Variants in ANKRD35 observed in about 807,000 individuals in gnomAD.
ANKRD35 encodes ankyrin repeat domain 35, also known as ankyrin repeat domain-containing protein 35.
ANKRD35 carries 102 observed loss-of-function variants against 109.9 expected under a neutral mutation model. That is an observed-to-expected ratio of 0.93 (90% CI 0.79 to 1.09). The LOEUF (loss-of-function observed/expected upper bound fraction) is 1.09. Among genes scored for constraint, ANKRD35 ranks in the 50% least tolerant of loss-of-function variants. ANKRD35 has a pLI of 0.00. For missense variants in ANKRD35, 1,240 were observed against 1,230.1 expected, an observed-to-expected ratio of 1.01 and a Z score of -0.12; for synonymous variants, 515 against 512.4, an observed-to-expected ratio of 1.01 and a Z score of -0.07.
chr1:145,868,894 A>C (rs1010809933), intron 10 of ANKRD35, among the ~76,000 whole-genome samples: 1 of 152,226 alleles, frequency 6.6e-6, no homozygotes, highest in Non-Finnish European at 1.5e-5. Flanking sequence ...TTTCGTAGAT[A>C]AAGGAAACTA....
chr1:145,874,028 G>A lies in ANKRD35; in HGVS notation c.784-43C>T, dbSNP rs781908207. ...TAGTAAAGTGTGGCCACTAGGCAACGAACTGAGCCCTAGGAGTGCCTTTCT... is the reference window on the plus strand; with the variant it reads ...TAGTAAAGTGTGGCCACTAGGCAACAAACTGAGCCCTAGGAGTGCCTTTCT... On this transcript the variant is annotated intron_variant, in intron 9 of 13. Transcript: ENST00000355594. The A allele has an allele frequency of 1.1e-5, 17 of 1,611,242 alleles. No homozygotes were observed. The East Asian group carries it at 1.8e-4, about 17-fold the overall frequency.
At position 145,867,423 on chromosome 1, in the gene ANKRD35, A is replaced by G. The variant is rs1653647037; in HGVS notation, c.2944-31T>C. 5 of 1,598,356 alleles carry G rather than the reference A, an allele frequency of 3.1e-6. No homozygotes were observed. The Admixed American group carries it at 6.7e-5, about 21-fold the overall frequency. ...GATGTCAGGAAAGGAAGAAAAGGAG[A>G]TGAAGAACAGAAAATGGAGAGAGAG... On this transcript the variant is annotated intron_variant, in intron 12 of 13. Transcript: ENST00000355594.
chr1:145,876,889 A>G lies in ANKRD35; in HGVS notation c.325-16T>C. 6.2e-7 allele frequency: 1 copy of G among 1,613,888 alleles called. No homozygotes were observed. The highest frequency in any genetic ancestry group is 8.5e-7 in the Non-Finnish European group (1 of 1,179,928). ...TAGCACCATGCTGCAAATGGCCACA[A>G]AGGGAAGCAGCATGGAGCTTGGTGT... On this transcript the variant is annotated splice_polypyrimidine_tract_variant and intron_variant, in intron 4 of 13. Coordinates refer to ENST00000355594, the MANE Select transcript of ANKRD35 (RefSeq NM_144698.5).
chr1:145,880,226 T>C (rs1654236965), intron 1 of ANKRD35, among the ~76,000 whole-genome samples: 2 of 151,916 alleles, frequency 1.3e-5, no homozygotes, highest in Non-Finnish European at 2.9e-5. Flanking sequence ...ATAATTGAAG[T>C]GTTATAGGGC....
intron 10 of ANKRD35, among the ~76,000 whole-genome samples, chr1:145,870,882 C>T (rs1653785020): frequency 6.6e-6 from 1 of 152,072 alleles, no homozygotes; most frequent in Non-Finnish European, 1.5e-5. Context: ...CCACACCCAT[C>T]TAATTTTTGC....
At chr1:145,883,074 CA>C (rs1217920308) in intron 1 of ANKRD35, among the ~76,000 whole-genome samples, 1 of 139,466 alleles carries the variant, frequency 7.2e-6, no homozygotes, top group African/African-American at 2.7e-5. Flanking sequence ...TAGACAGTAC[CA>C]ATTTTTTTTT....
chr1:145,868,348 A>G lies in ANKRD35; in HGVS notation c.2840T>C (p.Ile947Thr), dbSNP rs1653681756. ...GGCAAGGCGAGCATTTTCTCCCCGA[A>G]TTGCTAGAACCTCTTCTGAAAGCTG... Reference protein sequence around the residue: ...LEQLSEEVLAIRGENARLALQ... With the variant: ...LEQLSEEVLATRGENARLALQ... Residue 947 changes from isoleucine (I) to threonine (T), a missense_variant, in exon 11 of 14, where the codon ATT (isoleucine) becomes ACT (threonine). By Grantham distance (89) the Ile-to-Thr change is moderately conservative. Coordinates refer to ENST00000355594, the MANE Select transcript of ANKRD35 (RefSeq NM_144698.5). 4.3e-6 allele frequency: 7 copies of G among 1,614,208 alleles called. No homozygotes were observed. Among genetic ancestry groups the G allele is most frequent in the Non-Finnish European group, 5.9e-6 (7 of 1,180,038 alleles).
Position 145,872,659 on chromosome 1 carries a change from G to A in ANKRD35, c.2110C>T (p.Leu704=), listed in dbSNP as rs373002763. The A allele has an allele frequency of 6.8e-6, 11 of 1,614,096 alleles. No individual in the cohort carries two copies. Among genetic ancestry groups the A allele is most frequent in the Non-Finnish European group, 9.3e-6 (11 of 1,180,002 alleles). The change falls in exon 10 of 14, where the codon CTG becomes TTG. Residue 704 remains leucine (L), a synonymous_variant. Coordinates refer to ENST00000355594, the MANE Select transcript of ANKRD35 (RefSeq NM_144698.5). The stretch of plus-strand genomic sequence containing the variant: ...AGGTCTGCGGGCAGGCAGTCCCACA[G>A]CCCTCGGAGACCGCTGCTCTGGGAG... ...LASQSSGLRG[L]WDCLPADLVG... is the part of the protein sequence containing the mutation.
chr1:145,878,246 C>T, intron 3 of ANKRD35, 145 bp downstream of exon 3: 1 of 968,716 alleles, frequency 1.0e-6, no homozygotes, highest in Non-Finnish European at 1.6e-6. Flanking sequence ...GGGAGGGGAA[C>T]TCCTGGAAGG....
Position 145,876,791 on chromosome 1 carries a change from GT to G in ANKRD35, c.382+24del, listed in dbSNP as rs1407602345. On this transcript the variant is annotated intron_variant, in intron 5 of 13. Coordinates refer to ENST00000355594, the MANE Select transcript of ANKRD35 (RefSeq NM_144698.5). ...CCCACCCTGTAGTCTCTGCAGCCCTGTTCCCATGAGTCCCCTGCACACACCT... is the reference window on the plus strand; with the variant it reads ...CCCACCCTGTAGTCTCTGCAGCCCTGTCCCATGAGTCCCCTGCACACACCT... The G allele has an allele frequency of 1.9e-6, 3 of 1,613,804 alleles. No individual in the cohort carries two copies. The African/African-American group carries it at 4.0e-5, about 22-fold the overall frequency.
At chr1:145,870,062 A>G (rs1279066157) in intron 10 of ANKRD35, among the ~76,000 whole-genome samples, 1 of 151,258 alleles carries the variant, frequency 6.6e-6, no homozygotes, top group African/African-American at 2.4e-5. Context: ...CCTTTTACTG[A>G]GTACTTACCA....
Position 145,872,099 on chromosome 1 carries a change from T to G in ANKRD35, c.2670A>C (p.Glu890Asp). ...RSGDLAAQAA[E>D]QERQASEMRG... ...GCATCTCGCTGGCCTGGCGCTCTTGTTCGGCTGCCTGAGCGGCCAGGTCCC... is the reference window on the plus strand; with the variant it reads ...GCATCTCGCTGGCCTGGCGCTCTTGGTCGGCTGCCTGAGCGGCCAGGTCCC... The change falls in exon 10 of 14, where the codon GAA becomes GAC. Residue 890 changes from glutamate to aspartate, a missense_variant. Glu to Asp is a conservative substitution (Grantham distance 45). Coordinates refer to ENST00000355594, the MANE Select transcript of ANKRD35 (RefSeq NM_144698.5). 1 of 1,613,120 alleles carries G rather than the reference T, an allele frequency of 6.2e-7. No individual in the cohort carries two copies.
intron 12 of ANKRD35, 116 bp downstream of exon 12, chr1:145,867,873 GCT>G (rs1430923327): frequency 2.2e-5 from 21 of 965,126 alleles, no homozygotes; most frequent in Non-Finnish European, 3.3e-5. Flanking sequence ...ACTGGATCCA[GCT>G]TTCCGAGAAA....
In ANKRD35 at chr1:145,872,013, A is replaced by G. The variant is rs781891044; in HGVS notation, c.2756T>C (p.Leu919Pro). Reference sequence around the variant, plus strand: ...TTCCTTGTCTCGGCAAGCCCCAATGAGATGCTCCATCTTCTCTTTCAGCAG... The same window carrying G: ...TTCCTTGTCTCGGCAAGCCCCAATGGGATGCTCCATCTTCTCTTTCAGCAG... ...AELLKEKMEH[L>P]IGACRDKEAK... The change falls in exon 10 of 14, where the codon CTC becomes CCC. Residue 919 changes from leucine (L) to proline (P), a missense_variant. By Grantham distance (98) the Leu-to-Pro change is moderately conservative. Transcript: ENST00000355594. 4 of 1,612,770 alleles carry G rather than the reference A, an allele frequency of 2.5e-6. No homozygotes were observed. In the South Asian group the frequency reaches 4.4e-5, roughly 18 times the overall value.
Position 145,871,894 on chromosome 1 carries a change from C to T in ANKRD35, c.2787+88G>A. ...GGGGTATTAATCTGACCCACTGCTGCAATAAAGGTTGCTGGATTCAGGTTA... is the reference window on the plus strand; with the variant it reads ...GGGGTATTAATCTGACCCACTGCTGTAATAAAGGTTGCTGGATTCAGGTTA... On this transcript the variant is annotated intron_variant, in intron 10 of 13. Transcript: ENST00000355594. 1.2e-5 allele frequency: 18 copies of T among 1,519,614 alleles called. 1 individual carries two copies. In the South Asian group the frequency reaches 2.1e-4, roughly 18 times the overall value. The allele number at this position is 1,519,614 out of a possible 1,614,324, so 94.1% of individuals were successfully genotyped here.
At chr1:145,880,276 G>A (rs953518116) in intron 1 of ANKRD35, among the ~76,000 whole-genome samples, 4 of 152,172 alleles carry the variant, frequency 2.6e-5, no homozygotes, top group African/African-American at 9.7e-5. Flanking sequence ...AGGGCTGAAA[G>A]TACAGAAAAG....
chr1:145,866,959 T>C (rs1365353075), intron 13 of ANKRD35, among the ~76,000 whole-genome samples, 194 bp from the exon 14 acceptor site: 1 of 152,122 alleles, frequency 6.6e-6, no homozygotes, highest in Non-Finnish European at 1.5e-5. Context: ...ATTCTGGATT[T>C]TGTAGAGTCC....
At chr1:145,883,572 T>C (rs1654372705) in intron 1 of ANKRD35, among the ~76,000 whole-genome samples, 1 of 152,236 alleles carries the variant, frequency 6.6e-6, no homozygotes, top group Non-Finnish European at 1.5e-5. Context: ...AGCTTTAAAA[T>C]GATCACTGCT....
At chr1:145,880,676 A>C (rs1553740955) in intron 1 of ANKRD35, among the ~76,000 whole-genome samples, 1 of 152,176 alleles carries the variant, frequency 6.6e-6, no homozygotes, top group East Asian at 1.9e-4. Context: ...GGTGAAGAAA[A>C]ATAGGGTCTG....
Sources: gnomAD v4.1 joint callset for allele counts (sites outside exome capture counted in the v4.1 genomes callset) on GRCh38, gnomAD v4.1.1 for gene constraint, MANE v1.5 for transcripts, NCBI Gene and HGNC (gene_info 2026-07-23, HGNC 2026-07-21) for gene names.